Variants in CUBN observed in about 807,000 individuals in gnomAD.
CUBN encodes cubilin.
In CUBN, 282 loss-of-function variants were observed where a neutral mutation model predicts 405.3. That is an observed-to-expected ratio of 0.70 (90% CI 0.63 to 0.77). CUBN has a LOEUF of 0.77. Among genes scored for constraint, CUBN ranks in the 30% least tolerant of loss-of-function variants. CUBN has a pLI of 0.00. For synonymous variants in CUBN, 1,684 were observed against 1,617.0 expected, an observed-to-expected ratio of 1.04 and a Z score of -0.99; for missense variants, 4,514 against 4,475.2, an observed-to-expected ratio of 1.01 and a Z score of -0.25.
chr10:16,915,733 G>A (rs1324630487), intron 46 of CUBN, 88 bp downstream of exon 46: 1 of 1,097,962 alleles, frequency 9.1e-7, no homozygotes. Flanking sequence ...ATGTGCTTTT[G>A]CCTTTCTTGG....
At chr10:17,097,387 A>G (rs1424071811) in intron 14 of CUBN, among the ~76,000 whole-genome samples, 1 of 152,168 alleles carries the variant, frequency 6.6e-6, no homozygotes, top group Non-Finnish European at 1.5e-5. Context: ...GATCTATATT[A>G]AATACATTGA....
chr10:16,952,141 GA>G (rs1228474996), intron 33 of CUBN, 134 bp downstream of exon 33: 12 of 697,346 alleles, frequency 1.7e-5, no homozygotes, highest in Middle Eastern at 6.9e-4. Context: ...AGCACATCAG[GA>G]ATTGGGACTT....
chr10:16,862,305 T>C (rs1840043776), intron 59 of CUBN, among the ~76,000 whole-genome samples: 1 of 152,310 alleles, frequency 6.6e-6, no homozygotes, highest in Middle Eastern at 3.4e-3. Flanking sequence ...GCTTTACCTC[T>C]TACAAACCCT....
At chr10:16,883,241 G>A (rs1483498785) in intron 56 of CUBN, among the ~76,000 whole-genome samples, 1 of 152,154 alleles carries the variant, frequency 6.6e-6, no homozygotes, top group Middle Eastern at 3.2e-3. Context: ...TTCAGAGGAG[G>A]GGGAAGCATG....
At chr10:17,104,827 G>C (rs1352248898) in intron 11 of CUBN, among the ~76,000 whole-genome samples, 1 of 93,638 alleles carries the variant, frequency 1.1e-5, no homozygotes, top group Non-Finnish European at 2.1e-5. Context: ...TTTTTTTTTT[G>C]AGATGGAGTC....
At chr10:17,042,987 T>C (rs1164067305) in intron 26 of CUBN, among the ~76,000 whole-genome samples, 1 of 152,188 alleles carries the variant, frequency 6.6e-6, no homozygotes, top group African/African-American at 2.4e-5. Context: ...ACCTAGACTT[T>C]ACTTTGATAA....
chr10:16,840,625 C>A, intron 61 of CUBN, 90 bp from the exon 62 acceptor site: 1 of 1,088,382 alleles, frequency 9.2e-7, no homozygotes, highest in South Asian at 1.3e-5. Context: ...CTGCCTCCCA[C>A]CCCGGAGGAG....
intron 28 of CUBN, among the ~76,000 whole-genome samples, chr10:17,007,570 ACT>A (rs1477096084): frequency 6.7e-6 from 1 of 148,760 alleles, no homozygotes; most frequent in Non-Finnish European, 1.5e-5. Flanking sequence ...CCAAGTTTGA[ACT>A]CTCTGCTTGG....
intron 43 of CUBN, among the ~76,000 whole-genome samples, chr10:16,921,916 C>T (rs1842045533): frequency 6.6e-6 from 1 of 152,200 alleles, no homozygotes; most frequent in East Asian, 1.9e-4. Flanking sequence ...AGATTTCAAA[C>T]TGAACTTGTC....
chr10:16,869,120 T>C (rs1387908115), intron 59 of CUBN, among the ~76,000 whole-genome samples: 2 of 151,868 alleles, frequency 1.3e-5, no homozygotes, highest in African/African-American at 2.4e-5. Flanking sequence ...TTCCTTCCCA[T>C]GTTGTAGGTT....
intron 27 of CUBN, among the ~76,000 whole-genome samples, chr10:17,037,242 T>A (rs1374997062): frequency 6.6e-6 from 1 of 152,202 alleles, no homozygotes; most frequent in African/African-American, 2.4e-5. Flanking sequence ...TATCAATTAT[T>A]TTTGAAGAAG....
intron 31 of CUBN, among the ~76,000 whole-genome samples, chr10:16,978,310 T>C (rs1465471479): frequency 2.0e-5 from 3 of 152,196 alleles, no homozygotes; most frequent in Non-Finnish European, 2.9e-5. Flanking sequence ...CACACCTCTC[T>C]CAGATATTCA....
rs182928433 is a variant in CUBN, at chr10:17,124,451, C to T, written c.388-762G>A. Among the ~76,000 whole-genome samples, 32 of 150,376 alleles carry T rather than the reference C, an allele frequency of 2.1e-4. No individual in the cohort carries two copies. In the South Asian group the frequency reaches 2.9e-3, roughly 14 times the overall value. On this transcript the variant is annotated intron_variant, in intron 4 of 66. Transcript: ENST00000377833. ...TGATTTTTTTTTCTTTTTTTTGAGA[C>T]GGAGTCTTGCTCTGTCGCCCAGGCT...
At chr10:17,000,198 C>G (rs545883460) in intron 28 of CUBN, among the ~76,000 whole-genome samples, 3 of 152,348 alleles carry the variant, frequency 2.0e-5, no homozygotes, top group Admixed American at 1.3e-4. Context: ...TACCCTTTTA[C>G]TCTTCACTTT....
intron 28 of CUBN, among the ~76,000 whole-genome samples, chr10:17,001,137 T>G (rs551336109): frequency 6.6e-6 from 1 of 152,096 alleles, no homozygotes; most frequent in Non-Finnish European, 1.5e-5. Context: ...TTCTTCCCGG[T>G]GGGTTTCTGG....
At chr10:16,932,946 TG>T in intron 40 of CUBN, 140 bp downstream of exon 40, 1 of 808,218 alleles carries the variant, frequency 1.2e-6, no homozygotes, top group Non-Finnish European at 2.1e-6. Context: ...TAGCCATTTC[TG>T]GTACTGATGC....
intron 4 of CUBN, among the ~76,000 whole-genome samples, chr10:17,124,763 C>G (rs918200972): frequency 6.7e-6 from 1 of 148,512 alleles, no homozygotes; most frequent in African/African-American, 2.5e-5. Context: ...CTTGATTATG[C>G]AATGATGGCC....
chr10:16,863,673 A>C (rs1840081361), intron 59 of CUBN, among the ~76,000 whole-genome samples: 1 of 152,280 alleles, frequency 6.6e-6, no homozygotes. Flanking sequence ...CTTAAAAATA[A>C]CTAGAAGCAG....
At chr10:17,018,390 C>T (rs1834399151) in intron 28 of CUBN, among the ~76,000 whole-genome samples, 1 of 152,092 alleles carries the variant, frequency 6.6e-6, no homozygotes, top group Non-Finnish European at 1.5e-5. Flanking sequence ...TGTTATAGTT[C>T]TTAAAGATGG....
Sources: gnomAD v4.1 joint callset for allele counts (sites outside exome capture counted in the v4.1 genomes callset) on GRCh38, gnomAD v4.1.1 for gene constraint, MANE v1.5 for transcripts, NCBI Gene and HGNC (gene_info 2026-07-23, HGNC 2026-07-21) for gene names.